Variants in WWOX observed in about 807,000 individuals in gnomAD.
WWOX encodes the protein WW domain containing oxidoreductase.
A neutral mutation model predicts 46.2 loss-of-function variants in WWOX; 69 were observed. That is an observed-to-expected ratio of 1.49 (90% CI 1.23 to 1.82). The LOEUF is 1.82. Ranked by LOEUF, WWOX falls within the 40% of genes most tolerant of loss-of-function variation. WWOX has a pLI of 0.00. For synonymous variants in WWOX, 359 were observed against 202.6 expected (o/e 1.77, Z -6.56); for missense variants, 919 against 542.6 (o/e 1.69, Z -6.89).
intron 8 of WWOX, among the ~76,000 whole-genome samples, chr16:79,044,317 C>G (rs567265804): frequency 7.2e-5 from 11 of 152,146 alleles, no homozygotes; most frequent in Non-Finnish European, 1.6e-4. Flanking sequence ...GCCCAAAGCT[C>G]ATGTCAAAAG....
chr16:78,311,787 TGGCG>T (rs2080250071), intron 5 of WWOX, among the ~76,000 whole-genome samples: 1 of 151,462 alleles, frequency 6.6e-6, no homozygotes, highest in South Asian at 2.1e-4. Flanking sequence ...AAAAGCAGCC[TGGCG>T]GGGGGGTATT....
At chr16:78,305,362 A>G (rs966377429) in intron 5 of WWOX, among the ~76,000 whole-genome samples, 9 of 152,136 alleles carry the variant, frequency 5.9e-5, no homozygotes, top group African/African-American at 2.2e-4. Flanking sequence ...CTTGCTCACA[A>G]TAGCCAGGAG....
At chr16:79,113,849 A>T (rs1263424950) in intron 8 of WWOX, among the ~76,000 whole-genome samples, 1 of 152,230 alleles carries the variant, frequency 6.6e-6, no homozygotes, top group African/African-American at 2.4e-5. Context: ...CCCCTTAATG[A>T]CAATTTGCTT....
intron 8 of WWOX, among the ~76,000 whole-genome samples, chr16:78,575,008 TATATATATATA>T (rs2044819386): frequency 2.8e-4 from 4 of 14,178 alleles, no homozygotes; most frequent in African/African-American, 4.0e-4. Context: ...ATTATATATA[TATATATATATA>T]TAAATATATA....
chr16:78,954,851 A>G (rs1450872295), intron 8 of WWOX, among the ~76,000 whole-genome samples: 3 of 152,116 alleles, frequency 2.0e-5, no homozygotes, highest in Admixed American at 6.5e-5. Flanking sequence ...GTGCGGTGGC[A>G]TGATTGTAGC....
At chr16:79,116,735 T>C (rs1256421559) in intron 8 of WWOX, among the ~76,000 whole-genome samples, 1 of 152,044 alleles carries the variant, frequency 6.6e-6, no homozygotes, top group Non-Finnish European at 1.5e-5. Flanking sequence ...TTCCAAACTC[T>C]TGTTATTATT....
chr16:78,147,699 A>ATTTTTT (rs2034255143), intron 4 of WWOX, among the ~76,000 whole-genome samples: 13 of 76,870 alleles, frequency 1.7e-4, no homozygotes, highest in African/African-American at 5.3e-4. Flanking sequence ...TTTTTTTTAA[A>ATTTTTT]AAAAAAAAAG....
chr16:78,774,070 C>G (rs1377919348), intron 8 of WWOX, among the ~76,000 whole-genome samples: 3 of 152,142 alleles, frequency 2.0e-5, no homozygotes, highest in South Asian at 4.1e-4. Flanking sequence ...GGAAGCCCGT[C>G]TAGGTCCTTC....
At chr16:79,083,625 C>T (rs1014861872) in intron 8 of WWOX, among the ~76,000 whole-genome samples, 4 of 152,110 alleles carry the variant, frequency 2.6e-5, no homozygotes, top group African/African-American at 4.8e-5. Context: ...CTCTAATGCA[C>T]GATAAGACAG....
intron 8 of WWOX, among the ~76,000 whole-genome samples, chr16:78,811,247 A>G (rs903840989): frequency 2.0e-5 from 3 of 152,196 alleles, no homozygotes; most frequent in Admixed American, 6.5e-5. Flanking sequence ...ACATAGGTGT[A>G]TTATTCTGCA....
intron 5 of WWOX, among the ~76,000 whole-genome samples, chr16:78,331,621 C>T (rs1253068538): frequency 1.3e-5 from 2 of 151,512 alleles, no homozygotes; most frequent in Non-Finnish European, 2.9e-5. Context: ...CAGAGTAATC[C>T]TCCCTATCCT....
At chr16:79,063,641 T>G (rs78994997) in intron 8 of WWOX, among the ~76,000 whole-genome samples, 1 of 152,212 alleles carries the variant, frequency 6.6e-6, no homozygotes, top group African/African-American at 2.4e-5. Context: ...CACTGACTCT[T>G]GCGCGCTAGA....
At position 78,579,245 on chromosome 16, in the gene WWOX, G is replaced by A. The variant is rs552564295; in HGVS notation, c.1056+146493G>A. Among the ~76,000 whole-genome samples the A allele has an allele frequency of 5.3e-5, 8 of 152,220 alleles. No individual in the cohort carries two copies. The East Asian group carries it at 7.7e-4, about 15-fold the overall frequency. ...AAGGCAGGTTTTGCTTTGTTATTACGTCACAGTTTCGTCAAGGAGATAAGT... is the reference window on the plus strand; with the variant it reads ...AAGGCAGGTTTTGCTTTGTTATTACATCACAGTTTCGTCAAGGAGATAAGT... On this transcript the variant is annotated intron_variant, in intron 8 of 8. Transcript: ENST00000566780.
At chr16:78,958,701 C>G (rs746900261) in intron 8 of WWOX, among the ~76,000 whole-genome samples, 1 of 152,148 alleles carries the variant, frequency 6.6e-6, no homozygotes, top group Non-Finnish European at 1.5e-5. Context: ...ATATAAATTA[C>G]ATGGTATGTG....
intron 8 of WWOX, among the ~76,000 whole-genome samples, chr16:78,620,834 C>T (rs932832510): frequency 2.0e-5 from 3 of 152,096 alleles, no homozygotes; most frequent in East Asian, 1.9e-4. Flanking sequence ...TGGATTTCTT[C>T]CTCAGTTTAT....
At chr16:78,931,506 A>G (rs1208855527) in intron 8 of WWOX, among the ~76,000 whole-genome samples, 1 of 152,258 alleles carries the variant, frequency 6.6e-6, no homozygotes, top group Non-Finnish European at 1.5e-5. Flanking sequence ...CAGCTCAGCA[A>G]GGATTGCTGG....
rs58438039 is a variant in WWOX at position 79,073,150 on chromosome 16, GTTATTATTATTA to G, written c.1057-138427_1057-138416del. On this transcript the variant is annotated intron_variant, in intron 8 of 8. Transcript: ENST00000566780. ...CTTTTTTACATTATAGTAGTTATTC[GTTATTATTATTA>G]TTATTATTATTATTATTATTATTAT... Among the ~76,000 whole-genome samples, 855 of 143,076 alleles carry G rather than the reference GTTATTATTATTA, an allele frequency of 6.0e-3. 3 individuals carry two copies. Among genetic ancestry groups the G allele is most frequent in the South Asian group, 0.015 (66 of 4,350 alleles). 93.9% of individuals were successfully genotyped at this position (143,076 alleles called of 152,430 possible). A position where few individuals can be genotyped will look rare whatever the true frequency, so the allele number is the denominator to read the frequency against.
At chr16:78,879,852 G>A (rs968789613) in intron 8 of WWOX, among the ~76,000 whole-genome samples, 3 of 149,258 alleles carry the variant, frequency 2.0e-5, no homozygotes, top group Non-Finnish European at 3.0e-5. Context: ...ACTCCAGCCT[G>A]GGCAACAACA....
At chr16:78,838,200 A>G (rs1292019939) in intron 8 of WWOX, among the ~76,000 whole-genome samples, 1 of 152,062 alleles carries the variant, frequency 6.6e-6, no homozygotes, top group East Asian at 1.9e-4. Context: ...GGTGAAGCAG[A>G]GGGATGCAAA....
Sources: allele counts gnomAD v4.1 joint callset (sites outside exome capture counted in the v4.1 genomes callset), GRCh38; gene constraint gnomAD v4.1.1; transcripts MANE v1.5; gene names NCBI Gene and HGNC (gene_info 2026-07-23, HGNC 2026-07-21).